The following SLC25A21 variants were observed in gnomAD, a reference collection of about 807,000 sequenced individuals.
The protein encoded by SLC25A21 is mitochondrial 2-oxodicarboxylate carrier.
SLC25A21 carries 47 observed loss-of-function variants against 43.8 expected under a neutral mutation model. The ratio of observed to expected loss-of-function variants is 1.07; its 90% CI spans 0.85 to 1.37. The LOEUF is 1.37. Ranked by LOEUF, SLC25A21 falls within the 40% of genes most tolerant of loss-of-function variation. The probability of loss-of-function intolerance (pLI) is 0.00; values close to 1 mark genes in which losing one functional copy is unlikely to be tolerated. For synonymous variants in SLC25A21, 131 were observed against 121.3 expected, an observed-to-expected ratio of 1.08 and a Z score of -0.52; for missense variants, 352 against 350.2, an observed-to-expected ratio of 1.00 and a Z score of -0.04.
At chr14:36,989,680 G>A (rs946581613) in intron 1 of SLC25A21, among the ~76,000 whole-genome samples, 2 of 152,032 alleles carry the variant, frequency 1.3e-5, no homozygotes, top group Non-Finnish European at 2.9e-5. Context: ...GCCATGTTGG[G>A]AAACACTGAG....
chr14:36,963,218 G>A (rs535894930), intron 1 of SLC25A21, among the ~76,000 whole-genome samples: 39 of 152,036 alleles, frequency 2.6e-4, no homozygotes, highest in East Asian at 1.5e-3. Context: ...TTAAAGAAAC[G>A]ATAAGTGAAA....
intron 1 of SLC25A21, among the ~76,000 whole-genome samples, chr14:36,932,434 A>G (rs553350429): frequency 1.3e-5 from 2 of 152,134 alleles, no homozygotes; most frequent in South Asian, 4.1e-4. Flanking sequence ...ACTTCCTTTT[A>G]CTTGTTTTAA....
chr14:37,014,458 T>C (rs1418956603), intron 1 of SLC25A21, among the ~76,000 whole-genome samples: 1 of 152,140 alleles, frequency 6.6e-6, no homozygotes. Context: ...TTACTATCCA[T>C]TCAGGTTTTA....
chr14:36,723,859 A>T (rs1050185834), intron 6 of SLC25A21, among the ~76,000 whole-genome samples: 2 of 152,222 alleles, frequency 1.3e-5, no homozygotes, highest in African/African-American at 4.8e-5. Context: ...GCCTAGATAA[A>T]GAATTGCAGC....
chr14:37,157,460 C>T (rs1352217318), intron 1 of SLC25A21, among the ~76,000 whole-genome samples: 1 of 152,066 alleles, frequency 6.6e-6, no homozygotes, highest in African/African-American at 2.4e-5. Context: ...TATTCATATA[C>T]ATGGAAGCTG....
chr14:36,704,107 C>T (rs559162236), intron 7 of SLC25A21, among the ~76,000 whole-genome samples: 4 of 152,240 alleles, frequency 2.6e-5, no homozygotes, highest in African/African-American at 7.2e-5. Flanking sequence ...CAGCTAGCTC[C>T]TAAAAATAAA....
chr14:37,146,787 A>T (rs565872218), intron 1 of SLC25A21, among the ~76,000 whole-genome samples: 45 of 152,222 alleles, frequency 3.0e-4, no homozygotes, highest in African/African-American at 4.3e-4. Flanking sequence ...TGCAATGCTG[A>T]TAAAATATAT....
intron 1 of SLC25A21, among the ~76,000 whole-genome samples, chr14:37,010,892 G>A (rs1192425352): frequency 2.0e-5 from 3 of 151,848 alleles, no homozygotes; most frequent in Non-Finnish European, 2.9e-5. Flanking sequence ...CTAGCGGTAC[G>A]CACCGCCAAG....
At chr14:36,693,158 AT>A (rs1301796268) in intron 7 of SLC25A21, among the ~76,000 whole-genome samples, 1 of 152,182 alleles carries the variant, frequency 6.6e-6, no homozygotes, top group African/African-American at 2.4e-5. Flanking sequence ...TGAAAATTTC[AT>A]TTTTTTGAAT....
chr14:37,153,665 C>A (rs1963797885), intron 1 of SLC25A21, among the ~76,000 whole-genome samples: 1 of 152,194 alleles, frequency 6.6e-6, no homozygotes, highest in Admixed American at 6.5e-5. Context: ...AGTGGTGGGG[C>A]CTCAGCATGG....
At chr14:37,154,464 A>T (rs1054657135) in intron 1 of SLC25A21, among the ~76,000 whole-genome samples, 1 of 124,860 alleles carries the variant, frequency 8.0e-6, no homozygotes, top group Non-Finnish European at 1.7e-5. Context: ...GAAACATAAA[A>T]AAAAATCAAT....
At chr14:36,937,703 G>A (rs1163417261) in intron 1 of SLC25A21, among the ~76,000 whole-genome samples, 1 of 152,170 alleles carries the variant, frequency 6.6e-6, no homozygotes, top group Non-Finnish European at 1.5e-5. Context: ...CGGATGGTTA[G>A]TCCACGTGGG....
chr14:37,086,417 T>C (rs952002712), intron 1 of SLC25A21, among the ~76,000 whole-genome samples: 7 of 152,150 alleles, frequency 4.6e-5, no homozygotes, highest in Non-Finnish European at 7.3e-5. Flanking sequence ...ATAGATATGT[T>C]TGTGTAATAG....
intron 1 of SLC25A21, among the ~76,000 whole-genome samples, chr14:36,937,367 G>C (rs1401828103): frequency 6.6e-6 from 1 of 152,204 alleles, no homozygotes; most frequent in African/African-American, 2.4e-5. Flanking sequence ...AACAAAGCAA[G>C]GAGGAAAATA....
chr14:37,020,874 G>C (rs1310501532), intron 1 of SLC25A21, among the ~76,000 whole-genome samples: 1 of 151,896 alleles, frequency 6.6e-6, no homozygotes, highest in East Asian at 1.9e-4. Flanking sequence ...CAACCCACAG[G>C]TTAAATGAAA....
intron 6 of SLC25A21, among the ~76,000 whole-genome samples, chr14:36,720,124 T>G (rs555944070): frequency 4.0e-4 from 61 of 152,256 alleles, no homozygotes; most frequent in African/African-American, 1.3e-3. Context: ...CACACCTTCT[T>G]CTAGACCATG....
chr14:36,887,831 T>C (rs1890965235), intron 1 of SLC25A21, among the ~76,000 whole-genome samples: 1 of 152,168 alleles, frequency 6.6e-6, no homozygotes, highest in South Asian at 2.1e-4. Context: ...TCACAACTTC[T>C]ATGGAATTAG....
Position 36,697,927 on chromosome 14 carries a change from T to G in SLC25A21, c.604-13002A>C, listed in dbSNP as rs535207044. Among the ~76,000 whole-genome samples, 76 of 152,292 alleles carry G rather than the reference T, an allele frequency of 5.0e-4. No homozygotes were observed. The South Asian group carries it at 5.8e-3, about 12-fold the overall frequency. On this transcript the variant is annotated intron_variant, in intron 7 of 9. Transcript: ENST00000331299. ...AGTCCATTTACATTTAAGGTTAATA[T>G]TGTTATATGTGAATTTGATCCTATC...
At chr14:36,923,971 A>G (rs970947848) in intron 1 of SLC25A21, among the ~76,000 whole-genome samples, 1 of 152,202 alleles carries the variant, frequency 6.6e-6, no homozygotes, top group Non-Finnish European at 1.5e-5. Flanking sequence ...CAAAACCACA[A>G]TGAGATACCA....
Sources: allele counts gnomAD v4.1 joint callset (sites outside exome capture counted in the v4.1 genomes callset), GRCh38; gene constraint gnomAD v4.1.1; transcripts MANE v1.5; gene names NCBI Gene and HGNC (gene_info 2026-07-23, HGNC 2026-07-21).